Variants in ANGPTL7 observed in about 807,000 individuals in gnomAD.
ANGPTL7 encodes the protein angiopoietin-related protein 7.
In ANGPTL7, 37 loss-of-function variants were observed where a neutral mutation model predicts 38.8. The observed-to-expected ratio is 0.95, with a 90% CI of 0.73 to 1.25. ANGPTL7 has a LOEUF of 1.25. Ranked by LOEUF, ANGPTL7 falls within the 50% of genes most tolerant of loss-of-function variation. The pLI is 0.00. For synonymous variants in ANGPTL7, 166 were observed against 163.2 expected (o/e 1.02, Z -0.13); for missense variants, 427 against 438.6 (o/e 0.97, Z 0.24).
chr1:11,192,243 C>T, intron 1 of ANGPTL7, 27 bp from the exon 2 acceptor site: 1 of 1,540,414 alleles, frequency 6.5e-7, no homozygotes, highest in East Asian at 2.2e-5. Flanking sequence ...GGTCTAAATG[C>T]TCACCCTGTG....
chr1:11,195,411 T>C lies in ANGPTL7; in HGVS notation c.*388T>C, dbSNP rs1645748797. ...TGTGAGGGCAAAACACAAATCCCTT[T>C]GCTAAAAAGAACCATATTATTTTGA... On this transcript the variant is annotated 3_prime_UTR_variant, in exon 5 of 5. Transcript: ENST00000376819. The C allele has an allele frequency of 6.0e-6, 1 of 167,072 alleles. No individual in the cohort carries two copies. Among genetic ancestry groups the C allele is most frequent in the Admixed American group, 5.8e-5 (1 of 17,336 alleles). 10.3% of individuals were successfully genotyped at this position (167,072 alleles called of 1,614,324 possible).
chr1:11,193,180 G>C (rs1229572025), intron 2 of ANGPTL7, among the ~76,000 whole-genome samples: 3 of 151,862 alleles, frequency 2.0e-5, no homozygotes, highest in Non-Finnish European at 4.4e-5. Flanking sequence ...AGCCCAGTGT[G>C]GTGACAGGCA....
In ANGPTL7 at chr1:11,189,482, CG is replaced by C; in HGVS notation, c.-97del. ...AGTGGCGAGGCCCTCAGAGTGAAAG[CG>C]TAAGGTTCAGTCAGCCTGCTGCAGC... On this transcript the variant is annotated 5_prime_UTR_variant, in exon 1 of 5. Coordinates refer to ENST00000376819, the MANE Select transcript of ANGPTL7 (RefSeq NM_021146.4). 7.2e-7 allele frequency: 1 copy of C among 1,391,534 alleles called. No individual in the cohort carries two copies. 86.2% of individuals were successfully genotyped at this position (1,391,534 alleles called of 1,614,324 possible).
At chr1:11,190,288 G>A (rs1313644335) in intron 1 of ANGPTL7, among the ~76,000 whole-genome samples, 3 of 152,110 alleles carry the variant, frequency 2.0e-5, no homozygotes, top group Non-Finnish European at 4.4e-5. Flanking sequence ...ACCAAGAGCT[G>A]ACAGGCTATA....
In ANGPTL7 at chr1:11,192,367, G is replaced by C. The variant is rs1188095196; in HGVS notation, c.474G>C (p.Leu158=). ...ATGACTTCCTGGGCAGCCCTGAACTGGAGGTGAGGTCATTACAGTCACTGG... is the reference window on the plus strand; with the variant it reads ...ATGACTTCCTGGGCAGCCCTGAACTCGAGGTGAGGTCATTACAGTCACTGG... ...PPDDFLGSPE[L]EVFCDMETSG... is the part of the protein sequence containing the mutation. The change falls in exon 2 of 5, where the codon CTG becomes CTC. Residue 158 remains leucine, a synonymous_variant. Transcript: ENST00000376819. The C allele has an allele frequency of 1.2e-6, 2 of 1,609,840 alleles. No individual in the cohort carries two copies. Among genetic ancestry groups the C allele is most frequent in the African/African-American group, 2.7e-5 (2 of 74,820 alleles).
intron 1 of ANGPTL7, among the ~76,000 whole-genome samples, chr1:11,190,519 G>A (rs1021850793): frequency 6.6e-6 from 1 of 152,114 alleles, no homozygotes; most frequent in Admixed American, 6.5e-5. Flanking sequence ...GGAAGGATGC[G>A]GCTCCTTAAG....
chr1:11,192,429 G>T, intron 2 of ANGPTL7, 59 bp downstream of exon 2: 1 of 1,398,354 alleles, frequency 7.2e-7, no homozygotes. Flanking sequence ...CCCTCAAGGG[G>T]ACTACAACAA....
rs1314957766 is a variant in ANGPTL7, at chr1:11,195,899, CT to C, written c.*879del. On this transcript the variant is annotated 3_prime_UTR_variant, in exon 5 of 5. Coordinates refer to ENST00000376819, the MANE Select transcript of ANGPTL7 (RefSeq NM_021146.4). ...ATAAATGCTGTAAATAAGCATCTCA[CT>C]TTGTAAAAATAAAATATTGTGGTTT... 2 of 152,232 alleles carry C rather than the reference CT, an allele frequency of 1.3e-5. No homozygotes were observed. The highest frequency in any genetic ancestry group is 2.9e-5 in the Non-Finnish European group (2 of 68,042). 9.4% of individuals were successfully genotyped at this position (152,232 alleles called of 1,614,324 possible).
At chr1:11,191,568 T>C (rs979178336) in intron 1 of ANGPTL7, among the ~76,000 whole-genome samples, 1 of 152,170 alleles carries the variant, frequency 6.6e-6, no homozygotes, top group Admixed American at 6.5e-5. Flanking sequence ...TCTTCCACTA[T>C]GCTCTTTGAT....
rs1417101640 is a variant in ANGPTL7, at chr1:11,189,462, C to T, written c.-118C>T. The T allele has an allele frequency of 3.3e-6, 4 of 1,217,152 alleles. No homozygotes were observed. The highest frequency in any genetic ancestry group is 3.0e-5 in the South Asian group (2 of 67,082). The allele number at this position is 1,217,152 out of a possible 1,614,324, so 75.4% of individuals were successfully genotyped here. A position where few individuals can be genotyped will look rare whatever the true frequency, so the allele number is the denominator to read the frequency against. On this transcript the variant is annotated 5_prime_UTR_variant, in exon 1 of 5. Coordinates refer to ENST00000376819, the MANE Select transcript of ANGPTL7 (RefSeq NM_021146.4). The stretch of plus-strand genomic sequence containing the variant: ...GGAAAGAGAGAAAACAACAAAGTGG[C>T]GAGGCCCTCAGAGTGAAAGCGTAAG...
Position 11,193,788 on chromosome 1 carries a change from CA to C in ANGPTL7, c.672+15del. The C allele has an allele frequency of 6.2e-7, 1 of 1,613,592 alleles. No homozygotes were observed. The highest frequency in any genetic ancestry group is 1.1e-5 in the South Asian group (1 of 91,032). On this transcript the variant is annotated intron_variant, in intron 3 of 4. Coordinates refer to ENST00000376819, the MANE Select transcript of ANGPTL7 (RefSeq NM_021146.4). Reference sequence around the variant, plus strand: ...GTAGAGATGGAGGTAAGCACAAGGCCAGGGGCCCCATGACTGGACCAGTGCC... The same window carrying C: ...GTAGAGATGGAGGTAAGCACAAGGCCGGGGCCCCATGACTGGACCAGTGCC...
At chr1:11,192,518 G>C in intron 2 of ANGPTL7, 148 bp downstream of exon 2, 1 of 646,314 alleles carries the variant, frequency 1.5e-6, no homozygotes, top group Non-Finnish European at 2.7e-6. Flanking sequence ...CACTATGGGA[G>C]GCCGAGGCAG....
intron 4 of ANGPTL7, 68 bp from the exon 5 acceptor site, chr1:11,194,786 T>C (rs12143172): frequency 0.037 from 59,244 of 1,600,868 alleles, 1,953 homozygotes; most frequent in South Asian, 0.11. Flanking sequence ...ACCCTGGCTC[T>C]AACTCCTTAC....
intron 2 of ANGPTL7, among the ~76,000 whole-genome samples, chr1:11,192,921 T>C (rs1192801616): frequency 1.3e-5 from 2 of 152,184 alleles, no homozygotes; most frequent in African/African-American, 4.8e-5. Flanking sequence ...AGATCATTCT[T>C]ATAACCACCA....
Position 11,189,785 on chromosome 1 carries a change from A to C in ANGPTL7, c.206A>C (p.Lys69Thr). ...LSSLLSELNKKQERDWVSVVM... is the reference protein window; with the variant it reads ...LSSLLSELNKTQERDWVSVVM... ...AGCCTGCTGAGTGAACTGAACAAGA[A>C]GCAGGAGAGGGACTGGGTCAGCGTG... The change falls in exon 1 of 5, where the codon AAG becomes ACG. Residue 69 changes from lysine (K) to threonine (T), a missense_variant. Physicochemically the swap from Lys to Thr is moderately conservative, Grantham distance 78. Transcript: ENST00000376819. 1 of 1,614,246 alleles carries C rather than the reference A, an allele frequency of 6.2e-7. No homozygotes were observed. The highest frequency in any genetic ancestry group is 2.2e-5 in the East Asian group (1 of 44,882).
chr1:11,192,095 C>G (rs2100711652), intron 1 of ANGPTL7, among the ~76,000 whole-genome samples, 175 bp from the exon 2 acceptor site: 1 of 152,252 alleles, frequency 6.6e-6, no homozygotes, highest in South Asian at 2.1e-4. Context: ...GCTAGTAAAG[C>G]CAAAATACAC....
At chr1:11,192,476 C>A in intron 2 of ANGPTL7, 106 bp downstream of exon 2, 3 of 991,182 alleles carry the variant, frequency 3.0e-6, no homozygotes, top group Non-Finnish European at 4.6e-6. Flanking sequence ...GAAAATTCGG[C>A]TGGGCGCAGT....
chr1:11,193,604 G>A lies in ANGPTL7; in HGVS notation c.502G>A (p.Gly168Ser), dbSNP rs1645643184. ...GGTGTTCTGTGACATGGAGACTTCA[G>A]GCGGAGGCTGGACCATCATCCAGAG... ...LEVFCDMETSGGGWTIIQRRK... is the reference protein window; with the variant it reads ...LEVFCDMETSSGGWTIIQRRK... The change falls in exon 3 of 5, where the codon GGC becomes AGC. Residue 168 changes from glycine to serine, a missense_variant. Coordinates refer to ENST00000376819, the MANE Select transcript of ANGPTL7 (RefSeq NM_021146.4). 1 of 1,603,838 alleles carries A rather than the reference G, an allele frequency of 6.2e-7. No homozygotes were observed.
chr1:11,195,322 G>T lies in ANGPTL7; in HGVS notation c.*299G>T. 1 of 293,148 alleles carries T rather than the reference G, an allele frequency of 3.4e-6. No homozygotes were observed. 18.2% of individuals were successfully genotyped at this position (293,148 alleles called of 1,614,324 possible). ...TAGCAGTAGCTTGTCTTTTCCACAT[G>T]ATTTGTCTGTGAAAGAAAATAATTT... On this transcript the variant is annotated 3_prime_UTR_variant, in exon 5 of 5. Coordinates refer to ENST00000376819, the MANE Select transcript of ANGPTL7 (RefSeq NM_021146.4).
Sources: gnomAD v4.1 joint callset for allele counts (sites outside exome capture counted in the v4.1 genomes callset) on GRCh38, gnomAD v4.1.1 for gene constraint, MANE v1.5 for transcripts, NCBI Gene and HGNC (gene_info 2026-07-23, HGNC 2026-07-21) for gene names.